TMEM44: variants seen among roughly 807,000 people sequenced by gnomAD.
TMEM44 encodes the protein transmembrane protein 44.
TMEM44 carries 43 observed loss-of-function variants against 47.8 expected under a neutral mutation model. That is an observed-to-expected ratio of 0.90 (90% CI 0.70 to 1.16). The LOEUF (loss-of-function observed/expected upper bound fraction) is 1.16. Among genes scored for constraint, TMEM44 ranks in the 50% most tolerant of loss-of-function variants. TMEM44 has a pLI of 0.00. For missense variants in TMEM44, 568 were observed against 555.2 expected (o/e 1.02, Z -0.23); for synonymous variants, 277 against 238.8 (o/e 1.16, Z -1.48).
chr3:194,622,547 CTTTT>C (rs746646409), intron 5 of TMEM44: 5 of 131,774 alleles, frequency 3.8e-5, no homozygotes, highest in Admixed American at 7.8e-5. Flanking sequence ...ATAAGACACT[CTTTT>C]TTTTTTTTTT....
chr3:194,630,577 T>C (rs1282376480), intron 1 of TMEM44, among the ~76,000 whole-genome samples: 1 of 95,770 alleles, frequency 1.0e-5, no homozygotes, highest in Admixed American at 1.0e-4. Context: ...TACGCTGTCG[T>C]ACCTGCCTCC....
At chr3:194,595,026 T>C (rs983117262) in intron 9 of TMEM44, among the ~76,000 whole-genome samples, 7 of 152,212 alleles carry the variant, frequency 4.6e-5, no homozygotes, top group African/African-American at 9.7e-5. Context: ...TAAAATTATA[T>C]AGTCTTTTCC....
Position 194,592,815 on chromosome 3 carries a change from T to C in TMEM44, c.1177-4176A>G, listed in dbSNP as rs537051721. Among the ~76,000 whole-genome samples the C allele has an allele frequency of 3.3e-5, 5 of 152,276 alleles. No individual in the cohort carries two copies. The East Asian group carries it at 5.8e-4, about 18-fold the overall frequency. ...CTTTAGTAGAGACAGGGTTTCACCA[T>C]GTTGGCCAGGCTGGTCTTGAACTCC... On this transcript the variant is annotated intron_variant, in intron 9 of 9. Transcript: ENST00000347147.
intron 9 of TMEM44, 105 bp from the exon 10 acceptor site, chr3:194,588,744 C>T: frequency 2.7e-6 from 3 of 1,130,252 alleles, no homozygotes; most frequent in Non-Finnish European, 3.9e-6. Context: ...TTCTCATGAT[C>T]CAGGCACAGA....
chr3:194,601,092 C>A (rs192207566), intron 9 of TMEM44, among the ~76,000 whole-genome samples: 1 of 151,556 alleles, frequency 6.6e-6, no homozygotes, highest in East Asian at 1.9e-4. Flanking sequence ...CAAAAGCGTT[C>A]ATTTCCACTT....
At chr3:194,600,848 G>T (rs537770858) in intron 9 of TMEM44, among the ~76,000 whole-genome samples, 66 of 152,342 alleles carry the variant, frequency 4.3e-4, no homozygotes, top group African/African-American at 1.5e-3. Context: ...CTCATTTGTT[G>T]TAAGTCTATA....
At chr3:194,622,227 C>A (rs537519154) in intron 5 of TMEM44, among the ~76,000 whole-genome samples, 1 of 152,344 alleles carries the variant, frequency 6.6e-6, no homozygotes, top group African/African-American at 2.4e-5. Context: ...CTTTCCCTAG[C>A]CTGTGTCCTC....
intron 9 of TMEM44, 46 bp from the exon 10 acceptor site, chr3:194,588,685 G>GAGAAGCATCTATC: frequency 1.3e-6 from 2 of 1,551,674 alleles, no homozygotes; most frequent in South Asian, 1.1e-5. Context: ...ACGGATAGAT[G>GAGAAGCATCTATC]CTTCTCATCT....
chr3:194,607,436 T>G (rs1033405947), intron 8 of TMEM44, among the ~76,000 whole-genome samples: 2 of 152,226 alleles, frequency 1.3e-5, no homozygotes, highest in African/African-American at 4.8e-5. Context: ...AACACTTACA[T>G]GGTAAACAGT....
chr3:194,603,018 G>A (rs1401635614), intron 9 of TMEM44, among the ~76,000 whole-genome samples: 1 of 152,174 alleles, frequency 6.6e-6, no homozygotes, highest in Non-Finnish European at 1.5e-5. Flanking sequence ...AACTCATAAC[G>A]GAAGACAGTC....
At chr3:194,603,699 A>G (rs536659684) in intron 9 of TMEM44, among the ~76,000 whole-genome samples, 197 of 152,176 alleles carry the variant, frequency 1.3e-3, no homozygotes, top group African/African-American at 4.5e-3. Context: ...CACCCAGCCA[A>G]CACCAAGACT....
At chr3:194,612,698 T>C (rs1319446883) in intron 7 of TMEM44, among the ~76,000 whole-genome samples, 1 of 152,154 alleles carries the variant, frequency 6.6e-6, no homozygotes, top group Non-Finnish European at 1.5e-5. Context: ...GGAGTCTCGC[T>C]CTGTCGCCCA....
At chr3:194,614,548 C>G (rs1466426038) in intron 7 of TMEM44, among the ~76,000 whole-genome samples, 1 of 152,116 alleles carries the variant, frequency 6.6e-6, no homozygotes, top group Non-Finnish European at 1.5e-5. Flanking sequence ...GGACTACAGG[C>G]ACACACCACC....
intron 8 of TMEM44, among the ~76,000 whole-genome samples, chr3:194,605,415 C>A (rs1714667374): frequency 6.6e-6 from 1 of 152,184 alleles, no homozygotes; most frequent in South Asian, 2.1e-4. Flanking sequence ...AAAGACATAC[C>A]CAAGACTGGG....
At chr3:194,620,958 A>G (rs1484458265) in intron 5 of TMEM44, among the ~76,000 whole-genome samples, 1 of 151,558 alleles carries the variant, frequency 6.6e-6, no homozygotes, top group African/African-American at 2.4e-5. Context: ...CCCGGGAGGC[A>G]GAGGTTGCAG....
intron 5 of TMEM44, among the ~76,000 whole-genome samples, chr3:194,618,888 G>T (rs900213752): frequency 1.3e-5 from 2 of 152,232 alleles, no homozygotes; most frequent in Non-Finnish European, 2.9e-5. Flanking sequence ...TTAACCGAGA[G>T]ACAGCACAGT....
chr3:194,598,916 G>A (rs758764392), intron 9 of TMEM44, among the ~76,000 whole-genome samples: 5 of 152,148 alleles, frequency 3.3e-5, no homozygotes, highest in Admixed American at 2.6e-4. Flanking sequence ...GTCAGAGAGC[G>A]TTCACTCATC....
rs756020317 is a variant in TMEM44 at position 194,617,083 on chromosome 3, G to A, written c.783+16C>T. 6.7e-7 allele frequency: 1 copy of A among 1,493,938 alleles called. No homozygotes were observed. Among genetic ancestry groups the A allele is most frequent in the Non-Finnish European group, 8.9e-7 (1 of 1,117,912 alleles). 92.5% of individuals were successfully genotyped at this position (1,493,938 alleles called of 1,614,324 possible). A position where few individuals can be genotyped will look rare whatever the true frequency, so the allele number is the denominator to read the frequency against. On this transcript the variant is annotated intron_variant, in intron 6 of 9. Coordinates refer to ENST00000347147, the MANE Select transcript of TMEM44 (RefSeq NM_001011655.3). ...CTGGCTGCAAGCAGGGAGCTCCCCAGGCCTGGGGTGGATACAGCGAGGTCC... is the reference window on the plus strand; with the variant it reads ...CTGGCTGCAAGCAGGGAGCTCCCCAAGCCTGGGGTGGATACAGCGAGGTCC...
chr3:194,603,813 T>G (rs1374316618), intron 9 of TMEM44, among the ~76,000 whole-genome samples: 4 of 152,194 alleles, frequency 2.6e-5, no homozygotes, highest in African/African-American at 9.7e-5. Context: ...AAACCTCTTG[T>G]TGGTACTGAC....
Sources: allele counts gnomAD v4.1 joint callset (sites outside exome capture counted in the v4.1 genomes callset), GRCh38; gene constraint gnomAD v4.1.1; transcripts MANE v1.5; gene names NCBI Gene and HGNC (gene_info 2026-07-23, HGNC 2026-07-21).